STX3: variants seen among roughly 807,000 people sequenced by gnomAD.
The protein encoded by STX3 is syntaxin-3.
In STX3, 19 loss-of-function variants were observed where a neutral mutation model predicts 40.2. The ratio of observed to expected loss-of-function variants is 0.47; its 90% CI spans 0.33 to 0.69. STX3 has a LOEUF of 0.69. STX3 is among the 30% of genes least tolerant of loss of function. The pLI, the probability that STX3 is intolerant of heterozygous loss-of-function variation, is 0.02. For missense variants in STX3, 364 were observed against 366.7 expected, an observed-to-expected ratio of 0.99 and a Z score of 0.06; for synonymous variants, 122 against 132.2, an observed-to-expected ratio of 0.92 and a Z score of 0.53.
At chr11:59,799,002 G>T (rs559405252) in intron 10 of STX3, among the ~76,000 whole-genome samples, 1 of 152,150 alleles carries the variant, frequency 6.6e-6, no homozygotes, top group Non-Finnish European at 1.5e-5. Context: ...TGATCCTTCC[G>T]CCTCAGCCTT....
intron 2 of STX3, among the ~76,000 whole-genome samples, chr11:59,779,146 CT>C (rs372446973): frequency 5.3e-5 from 8 of 152,114 alleles, no homozygotes; most frequent in African/African-American, 1.7e-4. Flanking sequence ...CAAAAATTTA[CT>C]TTTTTGAATG....
chr11:59,790,071 G>T (rs752676460), intron 4 of STX3, among the ~76,000 whole-genome samples: 2 of 152,168 alleles, frequency 1.3e-5, no homozygotes, highest in Non-Finnish European at 2.9e-5. Flanking sequence ...TTAACTGGAG[G>T]AGTCATTAGT....
At chr11:59,786,667 C>G (rs1275281901) in intron 2 of STX3, among the ~76,000 whole-genome samples, 1 of 151,928 alleles carries the variant, frequency 6.6e-6, no homozygotes, top group Non-Finnish European at 1.5e-5. Flanking sequence ...CATCCTCACT[C>G]TTTTCTGTTC....
chr11:59,798,638 G>A (rs1483571389), intron 10 of STX3, among the ~76,000 whole-genome samples: 1 of 151,954 alleles, frequency 6.6e-6, no homozygotes, highest in Non-Finnish European at 1.5e-5. Context: ...TCCTGCCTCA[G>A]CCTCCCGAGT....
At chr11:59,797,189 TA>T in intron 9 of STX3, 93 bp from the exon 10 acceptor site, 1 of 854,678 alleles carries the variant, frequency 1.2e-6, no homozygotes. Flanking sequence ...AGATATTTTC[TA>T]TGTAGAGGTG....
chr11:59,772,974 A>AACACAC (rs3035302), intron 1 of STX3, among the ~76,000 whole-genome samples: 2,437 of 140,632 alleles, frequency 0.017, 33 homozygotes, highest in East Asian at 0.048. Context: ...CCCTGAAAGA[A>AACACAC]ACACACACAC....
intron 2 of STX3, among the ~76,000 whole-genome samples, chr11:59,779,309 G>A (rs577917331): frequency 1.3e-5 from 2 of 152,242 alleles, no homozygotes; most frequent in South Asian, 4.1e-4. Flanking sequence ...CTGGGTTGTG[G>A]ACTGCCACCT....
chr11:59,771,480 T>C (rs1478022016), intron 1 of STX3, among the ~76,000 whole-genome samples: 2 of 141,890 alleles, frequency 1.4e-5, no homozygotes, highest in African/African-American at 5.2e-5. Flanking sequence ...AGGGCTGTGA[T>C]GGTTGGTGTC....
intron 2 of STX3, chr11:59,781,665 A>G: frequency 6.2e-7 from 1 of 1,609,022 alleles, no homozygotes; most frequent in Non-Finnish European, 8.5e-7. Context: ...GTATTCATCA[A>G]AGCCTTTGCT....
Position 59,800,885 on chromosome 11 carries a change from A to C in STX3, c.*61A>C. On this transcript the variant is annotated 3_prime_UTR_variant, in exon 11 of 11. Coordinates refer to ENST00000337979, the MANE Select transcript of STX3 (RefSeq NM_004177.5). ...GATTTCACTCCAGACTGGTGTGGCCACCCTTGTCTTCAGATGAGAATGGAG... is the reference window on the plus strand; with the variant it reads ...GATTTCACTCCAGACTGGTGTGGCCCCCCTTGTCTTCAGATGAGAATGGAG... 1 of 1,536,058 alleles carries C rather than the reference A, an allele frequency of 6.5e-7. No homozygotes were observed. Among genetic ancestry groups the C allele is most frequent in the Non-Finnish European group, 8.7e-7 (1 of 1,146,848 alleles).
chr11:59,805,184 A>C lies in STX3; in HGVS notation c.*4360A>C, dbSNP rs969276522. 1 of 149,640 alleles carries C rather than the reference A, an allele frequency of 6.7e-6. No individual in the cohort carries two copies. Among genetic ancestry groups the C allele is most frequent in the African/African-American group, 2.5e-5 (1 of 39,718 alleles). The allele number at this position is 149,640 out of a possible 1,614,324, so 9.3% of individuals were successfully genotyped here. On this transcript the variant is annotated 3_prime_UTR_variant, in exon 11 of 11. Coordinates refer to ENST00000337979, the MANE Select transcript of STX3 (RefSeq NM_004177.5). ...AAGAGCTAAATTCCATCTAAAAAAA[A>C]AAAAAAAACAAAAAAAAAAAACTGT...
intron 10 of STX3, chr11:59,799,636 A>G: frequency 1.0e-6 from 1 of 985,314 alleles, no homozygotes; most frequent in African/African-American, 1.7e-5. Flanking sequence ...ATACCATGCC[A>G]GTACCCAGAG....
intron 8 of STX3, 42 bp from the exon 9 acceptor site, chr11:59,795,330 C>G (rs532203909): frequency 1.3e-6 from 2 of 1,542,976 alleles, no homozygotes; most frequent in Non-Finnish European, 1.8e-6. Context: ...TAGGACTGAC[C>G]TGAGACGTTT....
At position 59,761,691 on chromosome 11, in the gene STX3, C is replaced by T. The variant is rs370154772; in HGVS notation, c.30+6056C>T. ...TTTTGGCATTGGACCATTTCCATGGCAACTTTCCCCAGTCTCCATCTGGAA... is the reference window on the plus strand; with the variant it reads ...TTTTGGCATTGGACCATTTCCATGGTAACTTTCCCCAGTCTCCATCTGGAA... On this transcript the variant is annotated intron_variant, in intron 1 of 10. Transcript: ENST00000337979. 2.2e-4 allele frequency among the ~76,000 whole-genome samples: 33 copies of T among 152,322 alleles called. No homozygotes were observed. The East Asian group carries it at 2.7e-3, about 12-fold the overall frequency.
intron 1 of STX3, among the ~76,000 whole-genome samples, chr11:59,766,757 G>A (rs905294293): frequency 2.6e-5 from 4 of 152,254 alleles, no homozygotes; most frequent in Admixed American, 6.5e-5. Flanking sequence ...GCAGCGTGCA[G>A]TGCGATAAGA....
At position 59,797,311 on chromosome 11, in the gene STX3, T is replaced by C; in HGVS notation, c.815T>C (p.Val272Ala). 1 of 1,614,096 alleles carries C rather than the reference T, an allele frequency of 6.2e-7. No individual in the cohort carries two copies. Among genetic ancestry groups the C allele is most frequent in the Middle Eastern group, 1.6e-4 (1 of 6,062 alleles). Residue 272 changes from valine (V) to alanine (A), a missense_variant, in exon 10 of 11, where the codon GTT (valine) becomes GCT (alanine). By Grantham distance (64) the Val-to-Ala change is moderately conservative (BLOSUM62 0). Coordinates refer to ENST00000337979, the MANE Select transcript of STX3 (RefSeq NM_004177.5). ...KKLIIIIVLV[V>A]VLLGILALII... ...TTGATAATTATCATTGTGCTAGTAG[T>C]TGTGTTGCTGGGCATTTTAGCATTG...
intron 9 of STX3, among the ~76,000 whole-genome samples, chr11:59,796,913 C>T (rs1167333570): frequency 6.6e-6 from 1 of 152,164 alleles, no homozygotes; most frequent in African/African-American, 2.4e-5. Flanking sequence ...GAATTTGAGA[C>T]CAGACTGGGG....
rs372428529 is a variant in STX3 at position 59,796,457 on chromosome 11, C to T, written c.787-826C>T. On this transcript the variant is annotated intron_variant, in intron 9 of 10. Coordinates refer to ENST00000337979, the MANE Select transcript of STX3 (RefSeq NM_004177.5). ...TGTTGTTGTTTAGTTCTTTGTTTTT[C>T]ATCCAACTTTACCTATTGCTTATGC... Among the ~76,000 whole-genome samples the T allele has an allele frequency of 2.7e-4, 41 of 152,292 alleles. No homozygotes were observed. The South Asian group carries it at 7.9e-3, about 29-fold the overall frequency.
intron 2 of STX3, among the ~76,000 whole-genome samples, chr11:59,774,439 C>CT (rs1863840295): frequency 7.0e-6 from 1 of 143,268 alleles, no homozygotes; most frequent in Non-Finnish European, 1.5e-5. Context: ...ACCTTGTCCC[C>CT]TAAAAAAAAA....
Sources: gnomAD v4.1 joint callset for allele counts (sites outside exome capture counted in the v4.1 genomes callset) on GRCh38, gnomAD v4.1.1 for gene constraint, MANE v1.5 for transcripts, NCBI Gene and HGNC (gene_info 2026-07-23, HGNC 2026-07-21) for gene names.